The following KCNH7 variants were observed in gnomAD, a reference collection of about 807,000 sequenced individuals.
The protein encoded by KCNH7 is potassium voltage-gated channel subfamily H member 7.
In KCNH7, 49 loss-of-function variants were observed where a neutral mutation model predicts 120.8. That is an observed-to-expected ratio of 0.41 (90% CI 0.32 to 0.51). The LOEUF (loss-of-function observed/expected upper bound fraction) is 0.51. Ranked by LOEUF, KCNH7 falls within the 20% of genes least tolerant of loss-of-function variation. The probability of loss-of-function intolerance (pLI) is 0.38; values close to 1 mark genes in which losing one functional copy is unlikely to be tolerated. For missense variants in KCNH7, 1,097 were observed against 1,446.6 expected (o/e 0.76, Z 3.92); for synonymous variants, 547 against 516.1 (o/e 1.06, Z -0.81).
intron 6 of KCNH7, among the ~76,000 whole-genome samples, chr2:162,462,563 C>G (rs969843978): frequency 6.8e-6 from 1 of 147,562 alleles, no homozygotes; most frequent in Non-Finnish European, 1.5e-5. Flanking sequence ...GAGAGAGAGT[C>G]AAAAGAGTAA....
chr2:162,744,220 A>G (rs1300999120), intron 2 of KCNH7, among the ~76,000 whole-genome samples: 2 of 152,234 alleles, frequency 1.3e-5, no homozygotes, highest in African/African-American at 4.8e-5. Context: ...TTAAAAGACC[A>G]TAAGGGCCCA....
intron 6 of KCNH7, among the ~76,000 whole-genome samples, chr2:162,458,145 A>G (rs1331319575): frequency 2.0e-5 from 3 of 148,890 alleles, no homozygotes; most frequent in African/African-American, 7.6e-5. Flanking sequence ...TGGGTGGAGT[A>G]GGGATGATTG....
chr2:162,558,392 T>C (rs1469728497), intron 2 of KCNH7, among the ~76,000 whole-genome samples: 1 of 151,936 alleles, frequency 6.6e-6, no homozygotes, highest in East Asian at 1.9e-4. Flanking sequence ...GCCAGGATGG[T>C]CTCGATCTCC....
intron 6 of KCNH7, among the ~76,000 whole-genome samples, chr2:162,459,968 C>T (rs1689092066): frequency 6.6e-6 from 1 of 151,886 alleles, no homozygotes; most frequent in South Asian, 2.1e-4. Context: ...GTGGCGCATG[C>T]CTGTAGTCCC....
intron 2 of KCNH7, among the ~76,000 whole-genome samples, chr2:162,787,782 T>C (rs766132269): frequency 2.0e-5 from 3 of 152,136 alleles, no homozygotes; most frequent in Non-Finnish European, 2.9e-5. Flanking sequence ...CAGGCTGGCA[T>C]CCACAGACCC....
intron 12 of KCNH7, among the ~76,000 whole-genome samples, chr2:162,385,916 T>C (rs1219507831): frequency 6.6e-6 from 1 of 151,922 alleles, no homozygotes. Context: ...ACAAAGATTT[T>C]TTCCCTTTAT....
intron 2 of KCNH7, among the ~76,000 whole-genome samples, chr2:162,562,505 C>T (rs1220716597): frequency 6.6e-6 from 1 of 152,092 alleles, no homozygotes; most frequent in African/African-American, 2.4e-5. Context: ...GTCCAAGATG[C>T]TGTAGCAAAA....
intron 2 of KCNH7, among the ~76,000 whole-genome samples, chr2:162,553,085 C>T (rs1692731863): frequency 6.6e-6 from 1 of 152,180 alleles, no homozygotes; most frequent in Non-Finnish European, 1.5e-5. Flanking sequence ...TTTTTCTTAT[C>T]TGACATTTTA....
At chr2:162,488,749 A>C (rs887616873) in intron 6 of KCNH7, among the ~76,000 whole-genome samples, 1 of 152,118 alleles carries the variant, frequency 6.6e-6, no homozygotes, top group African/African-American at 2.4e-5. Context: ...CTTTCTAATA[A>C]ACTTTCCCTT....
At chr2:162,637,258 C>T (rs535161206) in intron 2 of KCNH7, among the ~76,000 whole-genome samples, 5 of 152,144 alleles carry the variant, frequency 3.3e-5, no homozygotes, top group Non-Finnish European at 5.9e-5. Context: ...CCCTATGTGA[C>T]CTGTTCTTCT....
intron 2 of KCNH7, among the ~76,000 whole-genome samples, chr2:162,680,445 A>G (rs1685673263): frequency 6.6e-6 from 1 of 151,728 alleles, no homozygotes; most frequent in African/African-American, 2.4e-5. Flanking sequence ...AAGTCTTTTT[A>G]TGTTTTTTGT....
chr2:162,587,937 T>G (rs986568537), intron 2 of KCNH7, among the ~76,000 whole-genome samples: 2 of 152,150 alleles, frequency 1.3e-5, no homozygotes, highest in African/African-American at 4.8e-5. Flanking sequence ...CAAGTTCTAC[T>G]GCTTATACCA....
chr2:162,828,661 G>C (rs1685372644), intron 2 of KCNH7, among the ~76,000 whole-genome samples: 1 of 152,138 alleles, frequency 6.6e-6, no homozygotes, highest in Non-Finnish European at 1.5e-5. Flanking sequence ...TCCACTTGCT[G>C]TTACACTGTA....
chr2:162,373,738 CACTA>C, intron 14 of KCNH7, 76 bp from the exon 15 acceptor site: 1 of 1,012,756 alleles, frequency 9.9e-7, no homozygotes, highest in Non-Finnish European at 1.3e-6. Flanking sequence ...AAAATTTCAG[CACTA>C]CCAAGAAACA....
intron 2 of KCNH7, among the ~76,000 whole-genome samples, chr2:162,807,282 A>AAAAAAAAAGAG (rs1684583016): frequency 6.7e-6 from 1 of 149,382 alleles, no homozygotes; most frequent in African/African-American, 2.5e-5. Context: ...AAAAAAAAAA[A>AAAAAAAAAGAG]ACAAATTAGC....
In KCNH7 at chr2:162,521,362, C is replaced by G. The variant is rs556158552; in HGVS notation, c.464-3204G>C. On this transcript the variant is annotated intron_variant, in intron 3 of 15. Transcript: ENST00000332142. ...GCCATAATAATTAGAGAATCTTAAC[C>G]TCCTGGAATTGTACTGACTGATATT... Among the ~76,000 whole-genome samples the G allele has an allele frequency of 2.0e-5, 3 of 151,922 alleles. No individual in the cohort carries two copies. The South Asian group carries it at 6.2e-4, about 32-fold the overall frequency.
At chr2:162,821,976 A>G (rs1685134248) in intron 2 of KCNH7, among the ~76,000 whole-genome samples, 1 of 151,610 alleles carries the variant, frequency 6.6e-6, no homozygotes, top group Non-Finnish European at 1.5e-5. Context: ...AGAAACTGGG[A>G]GTCCAAGTTG....
At chr2:162,777,133 G>C (rs1346151424) in intron 2 of KCNH7, among the ~76,000 whole-genome samples, 1 of 152,120 alleles carries the variant, frequency 6.6e-6, no homozygotes, top group Non-Finnish European at 1.5e-5. Context: ...TTATTCTGCT[G>C]TTTGACAAGT....
chr2:162,386,679 G>A (rs1158821234), intron 12 of KCNH7, among the ~76,000 whole-genome samples: 5 of 151,812 alleles, frequency 3.3e-5, no homozygotes, highest in Admixed American at 6.6e-5. Flanking sequence ...ATTAATTCAT[G>A]TGCCTCCAAT....
Sources: allele counts gnomAD v4.1 joint callset (sites outside exome capture counted in the v4.1 genomes callset), GRCh38; gene constraint gnomAD v4.1.1; transcripts MANE v1.5; gene names NCBI Gene and HGNC (gene_info 2026-07-23, HGNC 2026-07-21).